ZRSR2: variants seen among roughly 807,000 people sequenced by gnomAD.
The protein encoded by ZRSR2 is U2 small nuclear ribonucleoprotein auxiliary factor 35 kDa subunit-related protein 2.
In ZRSR2, 3 loss-of-function variants were observed where a neutral mutation model predicts 39.4. That is an observed-to-expected ratio of 0.08 (90% CI 0.03 to 0.20). ZRSR2 has a LOEUF of 0.20. Ranked by LOEUF, ZRSR2 falls within the 10% of genes least tolerant of loss-of-function variation. ZRSR2 has a pLI of 1.00. For missense variants in ZRSR2, 256 were observed against 391.5 expected, an observed-to-expected ratio of 0.65 and a Z score of 2.92; for synonymous variants, 137 against 136.0, an observed-to-expected ratio of 1.01 and a Z score of -0.05.
chrX:15,801,425 G>T (rs1334919483), intron 3 of ZRSR2: 1 of 288,350 alleles, frequency 3.5e-6, no homozygotes, highest in Non-Finnish European at 6.7e-6. Flanking sequence ...TAGAGATGGG[G>T]TTTCACCATG....
chrX:15,794,456 G>T (rs1018364156), intron 2 of ZRSR2, among the ~76,000 whole-genome samples: 3 of 111,427 alleles, frequency 2.7e-5, no homozygotes, highest in Admixed American at 9.6e-5. Context: ...CACATACTTT[G>T]TATGTTATAT....
At chrX:15,801,193 C>G (rs1284566536) in intron 3 of ZRSR2, 1 of 137,827 alleles carries the variant, frequency 7.3e-6, no homozygotes. Context: ...AGTCTCACAC[C>G]TTTCTCTTTT....
At chrX:15,797,328 A>G (rs1378079050) in intron 2 of ZRSR2, among the ~76,000 whole-genome samples, 1 of 105,424 alleles carries the variant, frequency 9.5e-6, no homozygotes, top group East Asian at 3.0e-4. Flanking sequence ...CTCCTCCCTC[A>G]GCCTCCCGAG....
At chrX:15,790,839 G>C (rs1431993023) in intron 1 of ZRSR2, 95 bp from the exon 2 acceptor site, 1 of 878,815 alleles carries the variant, frequency 1.1e-6, no homozygotes, top group Non-Finnish European at 1.7e-6. Context: ...CTCAGCACCC[G>C]AACTATTTCC....
chrX:15,804,342 A>G (rs901502869), intron 5 of ZRSR2, 145 bp downstream of exon 5: 2 of 931,100 alleles, frequency 2.1e-6, no homozygotes, highest in South Asian at 3.2e-5. Context: ...ACATAACACC[A>G]GAGTTCCCTT....
rs754928493 is a variant in ZRSR2 at position 15,823,071 on chromosome X, T to TAGGGACCGCAGC, written c.1291_1302dup (p.Asp432_Arg435dup). On this transcript the variant is annotated inframe_insertion, in exon 11 of 11. Transcript: ENST00000307771. ...ACAATTCACGAAGCAGAGGAAGAAATAGGGACCGCAGCAGGGACCGCAGCC... is the reference window on the plus strand; with the variant it reads ...ACAATTCACGAAGCAGAGGAAGAAATAGGGACCGCAGCAGGGACCGCAGCAGGGACCGCAGCC... 345 of 1,208,508 alleles carry TAGGGACCGCAGC rather than the reference T, an allele frequency of 2.9e-4. No individual in the cohort carries two copies. Among genetic ancestry groups the TAGGGACCGCAGC allele is most frequent in the East Asian group, 4.4e-4 (15 of 33,720 alleles).
intron 2 of ZRSR2, among the ~76,000 whole-genome samples, chrX:15,797,364 C>T (rs763092154): frequency 5.9e-4 from 64 of 108,561 alleles, no homozygotes; most frequent in Admixed American, 9.9e-4. Flanking sequence ...GGGGCTGCCA[C>T]CACGCCCGGC....
At chrX:15,819,029 C>T (rs1047314744) in intron 9 of ZRSR2, among the ~76,000 whole-genome samples, 1 of 110,411 alleles carries the variant, frequency 9.1e-6, no homozygotes, top group African/African-American at 3.3e-5. Context: ...ACCTCGGCCT[C>T]CCAAAGTACT....
intron 2 of ZRSR2, among the ~76,000 whole-genome samples, chrX:15,797,443 C>G (rs1434899330): frequency 9.0e-6 from 1 of 111,158 alleles, no homozygotes; most frequent in Admixed American, 9.6e-5. Flanking sequence ...CTCCTGACCT[C>G]AGGTGATCCG....
At chrX:15,805,791 C>T (rs1269474036) in intron 5 of ZRSR2, among the ~76,000 whole-genome samples, 1 of 109,687 alleles carries the variant, frequency 9.1e-6, no homozygotes, top group Admixed American at 9.8e-5. Flanking sequence ...ATTAGCCAGG[C>T]GTGGTGATGG....
intron 2 of ZRSR2, among the ~76,000 whole-genome samples, chrX:15,792,951 A>C (rs1229416514): frequency 1.8e-5 from 2 of 112,105 alleles, no homozygotes; most frequent in African/African-American, 6.5e-5. Context: ...GGTGTTCCTG[A>C]GTAATTATTT....
intron 8 of ZRSR2, 92 bp downstream of exon 8, chrX:15,815,982 A>C (rs1932967980): frequency 8.3e-6 from 6 of 722,678 alleles, no homozygotes; most frequent in Non-Finnish European, 1.2e-5. Flanking sequence ...AGCTGGGGTC[A>C]GGCACGCTAG....
In ZRSR2 at chrX:15,822,901, CACG is replaced by C. The variant is rs1382099536; in HGVS notation, c.1114_1116del (p.Asp372del). 4.1e-6 allele frequency: 5 copies of C among 1,212,238 alleles called. No individual in the cohort carries two copies. The highest frequency in any genetic ancestry group is 3.0e-5 in the East Asian group (1 of 33,856). On this transcript the variant is annotated inframe_deletion, in exon 11 of 11. Transcript: ENST00000307771. ...CGAAAGGAGGGAGAGGATGGGCCAC[CACG>C]ACGACTACTACAGCAGGCTGCGGGG... is the stretch of plus-strand genomic sequence containing the variant.
At chrX:15,798,626 A>C (rs1932558012) in intron 2 of ZRSR2, among the ~76,000 whole-genome samples, 1 of 111,617 alleles carries the variant, frequency 9.0e-6, no homozygotes, top group African/African-American at 3.3e-5. Flanking sequence ...ACCTGAGTAC[A>C]TGAGCAAGTA....
Position 15,808,213 on chromosome X carries a change from C to T in ZRSR2, c.400-20C>T. 1 of 1,205,307 alleles carries T rather than the reference C, an allele frequency of 8.3e-7. No individual in the cohort carries two copies. Among genetic ancestry groups the T allele is most frequent in the Non-Finnish European group, 1.1e-6 (1 of 890,586 alleles). On this transcript the variant is annotated intron_variant, in intron 5 of 10. Transcript: ENST00000307771. Reference sequence around the variant, plus strand: ...CCTGACTTCTGGGTTTTTATTAGTCCTGTGTTTGCACCATTTTAGGAAGCT... The same window carrying T: ...CCTGACTTCTGGGTTTTTATTAGTCTTGTGTTTGCACCATTTTAGGAAGCT...
chrX:15,821,735 A>G (rs1933111992), intron 10 of ZRSR2, among the ~76,000 whole-genome samples: 1 of 110,441 alleles, frequency 9.1e-6, no homozygotes, highest in Non-Finnish European at 1.9e-5. Context: ...CTTAACATTT[A>G]GGTCTTGGAT....
At chrX:15,817,165 G>C (rs1932993871) in intron 8 of ZRSR2, among the ~76,000 whole-genome samples, 1 of 112,003 alleles carries the variant, frequency 8.9e-6, no homozygotes, top group African/African-American at 3.2e-5. Flanking sequence ...CAGAACTGCA[G>C]AGTAGTTAAT....
At chrX:15,818,678 TCA>T (rs1247927703) in intron 9 of ZRSR2, 36 bp downstream of exon 9, 4 of 1,109,522 alleles carry the variant, frequency 3.6e-6, no homozygotes, top group Non-Finnish European at 4.9e-6. Flanking sequence ...TCCTGATTTG[TCA>T]CAGTTTGTTG....
At chrX:15,793,058 T>C (rs1932333828) in intron 2 of ZRSR2, among the ~76,000 whole-genome samples, 1 of 112,012 alleles carries the variant, frequency 8.9e-6, no homozygotes, top group African/African-American at 3.2e-5. Context: ...ACTCATCCAC[T>C]AGAGGCAGAA....
Sources: gnomAD v4.1 joint callset for allele counts (sites outside exome capture counted in the v4.1 genomes callset) on GRCh38, gnomAD v4.1.1 for gene constraint, MANE v1.5 for transcripts, NCBI Gene and HGNC (gene_info 2026-07-23, HGNC 2026-07-21) for gene names.